The following HAT1 variants were observed in gnomAD, a reference collection of about 807,000 sequenced individuals.
The protein encoded by HAT1 is histone acetyltransferase type B catalytic subunit.
A neutral mutation model predicts 56.6 loss-of-function variants in HAT1; 20 were observed. That is an observed-to-expected ratio of 0.35 (90% CI 0.25 to 0.51). HAT1 has a LOEUF of 0.51. Ranked by LOEUF, HAT1 falls within the 20% of genes least tolerant of loss-of-function variation. The pLI is 0.95. For synonymous variants in HAT1, 146 were observed against 165.5 expected (o/e 0.88, Z 0.91); for missense variants, 408 against 504.3 (o/e 0.81, Z 1.83).
chr2:171,977,524 A>AATATATATATATATATATATATATAT (rs1174016253), intron 9 of HAT1, among the ~76,000 whole-genome samples: 1 of 36,376 alleles, frequency 2.7e-5, no homozygotes, highest in Non-Finnish European at 6.3e-5. Context: ...CAGGCATATG[A>AATATATATATATATATATATATATAT]ATATATATAT....
chr2:171,922,787 T>C (rs2105957912), intron 1 of HAT1: 1 of 387,440 alleles, frequency 2.6e-6, no homozygotes, highest in East Asian at 3.7e-5. Flanking sequence ...TGATTTGGGC[T>C]CGTAAAATGC....
At chr2:171,927,343 G>A (rs1413196684) in intron 2 of HAT1, among the ~76,000 whole-genome samples, 1 of 152,186 alleles carries the variant, frequency 6.6e-6, no homozygotes, top group African/African-American at 2.4e-5. Flanking sequence ...GATTAAATAT[G>A]GAGTTAAATA....
chr2:171,939,250 C>T (rs10166974), intron 2 of HAT1, among the ~76,000 whole-genome samples: 33 of 152,262 alleles, frequency 2.2e-4, no homozygotes, highest in African/African-American at 7.2e-4. Context: ...AGTAAGAGGA[C>T]CCTGTGAGCC....
intron 2 of HAT1, among the ~76,000 whole-genome samples, chr2:171,943,047 A>G (rs987966193): frequency 3.4e-5 from 5 of 148,908 alleles, no homozygotes; most frequent in Non-Finnish European, 7.4e-5. Flanking sequence ...GTGAATTTTT[A>G]GGTTAGTGAG....
rs1017355678 is a variant in HAT1, at chr2:171,975,178, C to T, written c.824-979C>T. ...GGAGTGCAGTGGTACCACCTTGGCT[C>T]ACTGCAACCTCTGCCTCCCAGGTTC... On this transcript the variant is annotated intron_variant, in intron 8 of 10. Coordinates refer to ENST00000264108, the MANE Select transcript of HAT1 (RefSeq NM_003642.4). Among the ~76,000 whole-genome samples, 10 of 151,110 alleles carry T rather than the reference C, an allele frequency of 6.6e-5. No homozygotes were observed. The East Asian group carries it at 1.4e-3, about 20-fold the overall frequency.
chr2:171,931,860 T>C (rs1686757748), intron 2 of HAT1, among the ~76,000 whole-genome samples: 4 of 152,176 alleles, frequency 2.6e-5, no homozygotes, highest in Non-Finnish European at 5.9e-5. Context: ...TCTATTACAA[T>C]GTCAAATGGA....
At chr2:171,971,187 G>T (rs1687808553) in intron 8 of HAT1, among the ~76,000 whole-genome samples, 1 of 152,194 alleles carries the variant, frequency 6.6e-6, no homozygotes, top group Non-Finnish European at 1.5e-5. Context: ...GACAGAGCGA[G>T]ACTCCGTCTC....
chr2:171,975,328 C>T (rs1442629433), intron 8 of HAT1, among the ~76,000 whole-genome samples: 4 of 152,116 alleles, frequency 2.6e-5, no homozygotes. Context: ...TGGTCTCAAA[C>T]TCCTGACCTC....
intron 3 of HAT1, 81 bp from the exon 4 acceptor site, chr2:171,952,800 T>A (rs185968753): frequency 1.2e-6 from 1 of 817,232 alleles, no homozygotes; most frequent in Admixed American, 3.1e-5. Flanking sequence ...ACCCATGAAG[T>A]TAAACTTGTT....
At chr2:171,946,486 G>C (rs1687167480) in intron 2 of HAT1, among the ~76,000 whole-genome samples, 1 of 152,168 alleles carries the variant, frequency 6.6e-6, no homozygotes, top group African/African-American at 2.4e-5. Flanking sequence ...AATAAGTAGG[G>C]TTTTGACGCT....
At chr2:171,932,131 G>T (rs1302612752) in intron 2 of HAT1, among the ~76,000 whole-genome samples, 1 of 152,130 alleles carries the variant, frequency 6.6e-6, no homozygotes, top group Non-Finnish European at 1.5e-5. Context: ...GAGGTTTTAA[G>T]TGTTAAATTA....
intron 2 of HAT1, among the ~76,000 whole-genome samples, chr2:171,930,345 T>G (rs549619007): frequency 6.6e-6 from 1 of 152,280 alleles, no homozygotes; most frequent in Non-Finnish European, 1.5e-5. Context: ...AATTTTTGTA[T>G]TTTTTGTAGA....
Position 171,966,756 on chromosome 2 carries a change from A to G in HAT1, c.717-87A>G, listed in dbSNP as rs1687692155. On this transcript the variant is annotated intron_variant, in intron 7 of 10. Coordinates refer to ENST00000264108, the MANE Select transcript of HAT1 (RefSeq NM_003642.4). ...TTGAAAAAAAGATCACACAAACTTT[A>G]AAGTGTTTGTAATACTATAGTGATC... The G allele has an allele frequency of 1.5e-5, 10 of 683,092 alleles. 1 individual carries two copies. In the South Asian group the frequency reaches 1.8e-4, roughly 13 times the overall value. 42.3% of individuals were successfully genotyped at this position (683,092 alleles called of 1,614,324 possible). A position where few individuals can be genotyped will look rare whatever the true frequency, so the allele number is the denominator to read the frequency against.
chr2:171,966,719 C>CAA, intron 7 of HAT1, 124 bp from the exon 8 acceptor site: 1 of 638,014 alleles, frequency 1.6e-6, no homozygotes, highest in African/African-American at 1.8e-5. Context: ...TTTTGGGTAT[C>CAA]TCAAAGGTGG....
chr2:171,969,153 T>C (rs919306108), intron 8 of HAT1, among the ~76,000 whole-genome samples: 10 of 152,222 alleles, frequency 6.6e-5, no homozygotes, highest in African/African-American at 2.2e-4. Flanking sequence ...ACTTTATAAA[T>C]AGAATCAATG....
At chr2:171,971,701 T>TTTTA (rs1242775976) in intron 8 of HAT1, among the ~76,000 whole-genome samples, 2 of 152,318 alleles carry the variant, frequency 1.3e-5, no homozygotes, top group East Asian at 1.9e-4. Context: ...GCTTTATATT[T>TTTTA]TTTATTTATT....
chr2:171,970,475 T>A (rs2105339030), intron 8 of HAT1, among the ~76,000 whole-genome samples: 1 of 141,422 alleles, frequency 7.1e-6, no homozygotes, highest in Non-Finnish European at 1.5e-5. Flanking sequence ...TTAGTTTAAA[T>A]CAGTATTAGC....
intron 2 of HAT1, among the ~76,000 whole-genome samples, chr2:171,927,763 T>C (rs1331263287): frequency 1.3e-5 from 2 of 151,446 alleles, no homozygotes; most frequent in South Asian, 2.1e-4. Flanking sequence ...AATTTTTTTG[T>C]GTTTTTAGTA....
Position 171,922,482 on chromosome 2 carries a change from G to C in HAT1, c.-19G>C, listed in dbSNP as rs1220797964. ...GGTTGATTCGTCCTTCCTCAGCCGC[G>C]GGTGATCGTAGCTCGGAAATGGCGG... is the stretch of plus-strand genomic sequence containing the variant. On this transcript the variant is annotated 5_prime_UTR_variant, in exon 1 of 11. Coordinates refer to ENST00000264108, the MANE Select transcript of HAT1 (RefSeq NM_003642.4). 1.5e-6 allele frequency: 2 copies of C among 1,318,732 alleles called. No individual in the cohort carries two copies. The highest frequency in any genetic ancestry group is 2.0e-6 in the Non-Finnish European group (2 of 1,024,444). 81.7% of individuals were successfully genotyped at this position (1,318,732 alleles called of 1,614,324 possible).
Sources: allele counts gnomAD v4.1 joint callset (sites outside exome capture counted in the v4.1 genomes callset), GRCh38; gene constraint gnomAD v4.1.1; transcripts MANE v1.5; gene names NCBI Gene and HGNC (gene_info 2026-07-23, HGNC 2026-07-21).